Variants in SCAP observed in about 807,000 individuals in gnomAD.
The protein encoded by SCAP is sterol regulatory element-binding protein cleavage-activating protein.
Under a neutral mutation model 123.6 loss-of-function variants are expected in SCAP, and 65 were observed. The observed-to-expected ratio is 0.53, with a 90% confidence interval of 0.43 to 0.65. The LOEUF (loss-of-function observed/expected upper bound fraction) is 0.65, where lower values mean the gene tolerates loss of function less well. Among genes scored for constraint, SCAP ranks in the 30% least tolerant of loss-of-function variants. The pLI, the probability that SCAP is intolerant of heterozygous loss-of-function variation, is 0.00. For missense variants in SCAP, 1,398 were observed against 1,712.5 expected (o/e 0.82, Z 3.24); for synonymous variants, 740 against 726.3 (o/e 1.02, Z -0.30).
intron 1 of SCAP, among the ~76,000 whole-genome samples, chr3:47,464,282 C>T (rs1450215895): frequency 1.3e-5 from 2 of 152,074 alleles, no homozygotes; most frequent in African/African-American, 4.8e-5. Flanking sequence ...TCTCAAAGTG[C>T]TGGGATTACA....
intron 1 of SCAP, among the ~76,000 whole-genome samples, chr3:47,474,788 C>A (rs1242893070): frequency 2.0e-5 from 3 of 152,098 alleles, no homozygotes; most frequent in Non-Finnish European, 4.4e-5. Flanking sequence ...CAGAGTGAGA[C>A]CCTGTCTCCA....
rs767158825 is a variant in SCAP at position 47,425,501 on chromosome 3, G to C, written c.1021C>G (p.Pro341Ala). 1.9e-5 allele frequency: 31 copies of C among 1,613,674 alleles called. No homozygotes were observed. The highest frequency in any genetic ancestry group is 2.5e-5 in the Non-Finnish European group (29 of 1,180,042). Residue 341 changes from proline to alanine, a missense_variant, in exon 8 of 23, where the codon CCC becomes GCC. Around this residue, in one of 7 missense-constraint regions of SCAP, gnomAD observed 319 missense variants for 432.4 expected, o/e 0.74. Transcript: ENST00000265565. ...GGGACCTACCCGCCATTGAGGGTGG[G>C]CGTCAGGCCGAAGAGTGTGCAGAGT... ...VGLCTLFGLT[P>A]TLNGGEIFPY...
chr3:47,463,516 A>T (rs1342048649), intron 1 of SCAP, among the ~76,000 whole-genome samples: 1 of 152,148 alleles, frequency 6.6e-6, no homozygotes, highest in Non-Finnish European at 1.5e-5. Flanking sequence ...AGCCTGGCCA[A>T]CATAGTGAAA....
Position 47,419,414 on chromosome 3 carries a change from C to T in SCAP, c.1854G>A (p.Gly618=). ...TCCTCCAAAGTTCCTCATCCTCAGG[C>T]CCCCAGGTTACCTCTGGGACTGGGC... is the stretch of plus-strand genomic sequence containing the variant. ...HDSPVPEVTW[G]PEDEELWRKL... Residue 618 remains glycine, a synonymous_variant, in exon 13 of 23, where the codon GGG becomes GGA. Transcript: ENST00000265565. The surrounding 1 kb of genome is among the most constrained non-coding windows in gnomAD (Gnocchi z 5.0). 4 of 1,613,244 alleles carry T rather than the reference C, an allele frequency of 2.5e-6. No individual in the cohort carries two copies. The highest frequency in any genetic ancestry group is 1.3e-5 in the African/African-American group (1 of 74,812).
chr3:47,440,997 G>C (rs1038565767), intron 2 of SCAP, among the ~76,000 whole-genome samples: 5 of 151,676 alleles, frequency 3.3e-5, no homozygotes, highest in African/African-American at 1.2e-4. Context: ...CGTCTCCCGG[G>C]TTCAAGTGAT....
At chr3:47,474,911 G>A (rs1019191276) in intron 1 of SCAP, among the ~76,000 whole-genome samples, 1 of 152,182 alleles carries the variant, frequency 6.6e-6, no homozygotes, top group Admixed American at 6.5e-5. Context: ...TCAGTCTTTT[G>A]CTCAATATCC....
In SCAP at chr3:47,419,410, C is replaced by T. The variant is rs1183131176; in HGVS notation, c.1858G>A (p.Glu620Lys). The T allele has an allele frequency of 5.0e-6, 8 of 1,613,072 alleles. No homozygotes were observed. In the East Asian group the frequency reaches 1.3e-4, roughly 27 times the overall value. The change falls in exon 13 of 23, where the codon GAG becomes AAG. Residue 620 changes from glutamate (E) to lysine (K), a missense_variant. Physicochemically the swap from Glu to Lys is moderately conservative, Grantham distance 56. Around this residue, in one of 7 missense-constraint regions of SCAP, gnomAD observed 828 missense variants for 882.5 expected, o/e 0.94. Transcript: ENST00000265565. The surrounding 1 kb of genome is among the most constrained non-coding windows in gnomAD (Gnocchi z 5.0). The stretch of plus-strand genomic sequence containing the variant: ...AATTTCCTCCAAAGTTCCTCATCCT[C>T]AGGCCCCCAGGTTACCTCTGGGACT... ...SPVPEVTWGP[E>K]DEELWRKLSF...
Position 47,434,462 on chromosome 3 carries a change from G to A in SCAP, c.252+546C>T, listed in dbSNP as rs553641059. ...AAGACCTTTTTTCTCATTTATATCA[G>A]TGTTCGGCCCAGAGACAGTCAACTG... On this transcript the variant is annotated intron_variant, in intron 3 of 22. Transcript: ENST00000265565. Among the ~76,000 whole-genome samples the A allele has an allele frequency of 9.8e-5, 15 of 152,328 alleles. No homozygotes were observed. In the South Asian group the frequency reaches 2.7e-3, roughly 27 times the overall value.
Position 47,415,170 on chromosome 3 carries a change from C to T in SCAP, c.3067G>A (p.Ala1023Thr). 1 of 1,611,278 alleles carries T rather than the reference C, an allele frequency of 6.2e-7. No homozygotes were observed. Among genetic ancestry groups the T allele is most frequent in the Non-Finnish European group, 8.5e-7 (1 of 1,179,168 alleles). ...LVFLDKRIVA[A>T]RLNGSLDFFS... ...AAATCAAGGGAACCGTTGAGCCGTG[C>T]AGCCACAATCCTGGAAGAGAAGAAC... Residue 1023 changes from alanine to threonine, a missense_variant, in exon 19 of 23, where the codon GCA becomes ACA. Ala to Thr is a moderately conservative substitution (Grantham distance 58). Transcript: ENST00000265565.
intron 3 of SCAP, among the ~76,000 whole-genome samples, chr3:47,431,940 A>G (rs1706374566): frequency 6.6e-6 from 1 of 152,152 alleles, no homozygotes; most frequent in Non-Finnish European, 1.5e-5. Context: ...TATTTATTCA[A>G]GCATATGGAC....
Position 47,419,764 on chromosome 3 carries a change from G to A in SCAP, c.1564-60C>T. ...TGGGCCCCAACCCCCAGCAGCTTCA[G>A]CCCTCATGCTGAGAGGAAGCAGCAC... On this transcript the variant is annotated intron_variant, in intron 12 of 22. Transcript: ENST00000265565. This position sits in a 1 kb window ranked among gnomAD's most constrained non-coding sequence, Gnocchi z 5.0. 2 of 1,498,956 alleles carry A rather than the reference G, an allele frequency of 1.3e-6. No homozygotes were observed. The highest frequency in any genetic ancestry group is 2.3e-5 in the East Asian group (1 of 43,014). The allele number at this position is 1,498,956 out of a possible 1,614,324, so 92.9% of individuals were successfully genotyped here.
intron 1 of SCAP, among the ~76,000 whole-genome samples, chr3:47,474,654 G>A (rs751878751): frequency 1.3e-5 from 2 of 152,034 alleles, no homozygotes; most frequent in African/African-American, 2.4e-5. Context: ...AAAATTAGCC[G>A]GGCGTGGTGG....
At chr3:47,467,728 G>A (rs1267473168) in intron 1 of SCAP, among the ~76,000 whole-genome samples, 1 of 152,124 alleles carries the variant, frequency 6.6e-6, no homozygotes, top group Non-Finnish European at 1.5e-5. Context: ...AAATCACAAT[G>A]AGATACCAAT....
In SCAP at chr3:47,425,404, G is replaced by C. The variant is rs1706080697; in HGVS notation, c.1037+81C>G. 13 of 1,487,314 alleles carry C rather than the reference G, an allele frequency of 8.7e-6. No individual in the cohort carries two copies. The South Asian group carries it at 1.7e-4, about 19-fold the overall frequency. The allele number at this position is 1,487,314 out of a possible 1,614,324, so 92.1% of individuals were successfully genotyped here. A position where few individuals can be genotyped will look rare whatever the true frequency, so the allele number is the denominator to read the frequency against. On this transcript the variant is annotated intron_variant, in intron 8 of 22. Transcript: ENST00000265565. The stretch of plus-strand genomic sequence containing the variant: ...AGACGTGAGGTCACAGCAAAGTCCA[G>C]GGAAGGCCAAGAACCCAGAAGTGCA...
At chr3:47,458,337 G>T (rs1207620115) in intron 1 of SCAP, among the ~76,000 whole-genome samples, 2 of 152,110 alleles carry the variant, frequency 1.3e-5, no homozygotes, top group African/African-American at 4.8e-5. Flanking sequence ...GCTGAGGCAG[G>T]AGAATCGCTT....
At chr3:47,446,409 G>C (rs1464958047) in intron 1 of SCAP, among the ~76,000 whole-genome samples, 1 of 152,018 alleles carries the variant, frequency 6.6e-6, no homozygotes, top group African/African-American at 2.4e-5. Context: ...CTGACCTCAT[G>C]ATCTGCCCTC....
Position 47,426,163 on chromosome 3 carries a change from C to G in SCAP, c.744G>C (p.Leu248=). ...LVFQHYHAKF[L]GSLRARLMLL... is the part of the protein sequence containing the mutation. ...GCATCAGGCGGGCACGCAGGCTGCC[C>G]AGGAACCTGGTCAAGGAGCAGGGTG... The change falls in exon 7 of 23, where the codon CTG becomes CTC. Residue 248 remains leucine (L), a synonymous_variant. Transcript: ENST00000265565. 6.2e-7 allele frequency: 1 copy of G among 1,612,824 alleles called. No homozygotes were observed.
intron 1 of SCAP, among the ~76,000 whole-genome samples, chr3:47,444,483 A>C (rs563894122): frequency 3.0e-4 from 46 of 151,998 alleles, no homozygotes; most frequent in African/African-American, 1.1e-3. Flanking sequence ...GGAACCCTTT[A>C]TTTTTTTTGA....
rs575976058 is a variant in SCAP at position 47,428,359 on chromosome 3, A to T, written c.410+154T>A. On this transcript the variant is annotated intron_variant, in intron 4 of 22. Transcript: ENST00000265565. ...ATGCAGCCACCGTAGACCCACAAGG[A>T]TGCTGAGAAATTCAAGGCTAGCTCA... 9.9e-5 allele frequency among the ~76,000 whole-genome samples: 15 copies of T among 152,100 alleles called. No homozygotes were observed. The East Asian group carries it at 2.9e-3, about 29-fold the overall frequency.
Sources: gnomAD v4.1 joint callset for allele counts (sites outside exome capture counted in the v4.1 genomes callset) on GRCh38, gnomAD v4.1.1 for gene constraint, gnomAD v4.1.1 regional missense constraint, Gnocchi (gnomAD v3.1) non-coding constraint, MANE v1.5 for transcripts, NCBI Gene and HGNC (gene_info 2026-07-23, HGNC 2026-07-21) for gene names.